Variants in MAP3K3 observed in about 807,000 individuals in gnomAD.
MAP3K3 encodes MAP/ERK kinase kinase 3.
A neutral mutation model predicts 80.9 loss-of-function variants in MAP3K3; 12 were observed. The observed-to-expected ratio is 0.15, with a 90% CI of 0.10 to 0.24. The LOEUF (loss-of-function observed/expected upper bound fraction) is 0.24. Ranked by LOEUF, MAP3K3 falls within the 10% of genes least tolerant of loss-of-function variation. MAP3K3 has a pLI of 1.00. For synonymous variants in MAP3K3, 272 were observed against 307.1 expected (o/e 0.89, Z 1.19); for missense variants, 596 against 834.7 (o/e 0.71, Z 3.52).
In MAP3K3 at chr17:63,692,415, G is replaced by T; in HGVS notation, c.1648G>T (p.Val550Leu). Residue 550 changes from valine to leucine, a missense_variant, in exon 15 of 16, where the codon GTG becomes TTG. Val to Leu is a conservative substitution (Grantham distance 32). Coordinates refer to ENST00000361733, the MANE Select transcript of MAP3K3 (RefSeq NM_002401.5). The surrounding 1 kb of genome is among the most constrained non-coding windows in gnomAD (Gnocchi z 4.5). The stretch of plus-strand genomic sequence containing the variant: ...CGAGGGCTATGGAAGGAAAGCAGAC[G>T]TGTGGTGAGCACTGGGACATGCAGA... ...SGEGYGRKAD[V>L]WSLGCTVVEM... 2 of 1,605,022 alleles carry T rather than the reference G, an allele frequency of 1.2e-6. No individual in the cohort carries two copies. The highest frequency in any genetic ancestry group is 8.5e-7 in the Non-Finnish European group (1 of 1,174,390).
intron 1 of MAP3K3, among the ~76,000 whole-genome samples, chr17:63,628,983 T>G (rs900426255): frequency 6.6e-6 from 1 of 152,176 alleles, no homozygotes; most frequent in Non-Finnish European, 1.5e-5. Flanking sequence ...AGCAGCTTTG[T>G]GAAATGATGC....
At chr17:63,624,120 G>C (rs1176941777) in intron 1 of MAP3K3, among the ~76,000 whole-genome samples, 1 of 152,182 alleles carries the variant, frequency 6.6e-6, no homozygotes, top group Admixed American at 6.5e-5. Flanking sequence ...TCTGCTGTGA[G>C]AGTGGACATA....
chr17:63,686,618 T>A (rs988527062), intron 8 of MAP3K3, among the ~76,000 whole-genome samples: 4 of 152,152 alleles, frequency 2.6e-5, no homozygotes, highest in African/African-American at 9.7e-5. Context: ...AGCCCCCTTG[T>A]GCCACTGCCT....
intron 6 of MAP3K3, among the ~76,000 whole-genome samples, chr17:63,677,236 G>A (rs529571459): frequency 7.2e-5 from 11 of 152,298 alleles, no homozygotes; most frequent in Admixed American, 2.6e-4. Context: ...CTGAACCCAC[G>A]TATATCTAAT....
At chr17:63,634,692 T>G (rs749800528) in intron 2 of MAP3K3, 7 of 1,600,840 alleles carry the variant, frequency 4.4e-6, no homozygotes, top group African/African-American at 4.0e-5. Flanking sequence ...TTAACCTCAG[T>G]TTTTTTGTTT....
chr17:63,646,322 T>C (rs1051096363), intron 3 of MAP3K3, among the ~76,000 whole-genome samples: 44 of 152,238 alleles, frequency 2.9e-4, no homozygotes, highest in African/African-American at 1.0e-3. Context: ...ATTCTGCTGC[T>C]GTGAGGTCTG....
In MAP3K3 at chr17:63,688,778, G is replaced by T. The variant is rs377534151; in HGVS notation, c.779-11G>T. 4.6e-5 allele frequency: 74 copies of T among 1,599,976 alleles called. No individual in the cohort carries two copies. Among genetic ancestry groups the T allele is most frequent in the Non-Finnish European group, 6.0e-5 (70 of 1,167,174 alleles). ...CTACCCAGAAGCCAGTGATTCCCCT[G>T]TCTTACTCAGATCGGGAAACTCAGC... On this transcript the variant is annotated splice_polypyrimidine_tract_variant and intron_variant, in intron 9 of 15. Transcript: ENST00000361733.
At chr17:63,652,521 T>C in intron 3 of MAP3K3, 36 bp from the exon 4 acceptor site, 1 of 1,392,830 alleles carries the variant, frequency 7.2e-7, no homozygotes, top group Non-Finnish European at 1.0e-6. Flanking sequence ...GTTTTAAGTA[T>C]ACAATTAACC....
Position 63,648,150 on chromosome 17 carries a change from A to T in MAP3K3, c.167+2076A>T, listed in dbSNP as rs1274617891. ...ACTGGCCTAAAAATGCCTGTTATTCAATAGGATGGCAGCAGCTTAGATCTT... is the reference window on the plus strand; with the variant it reads ...ACTGGCCTAAAAATGCCTGTTATTCTATAGGATGGCAGCAGCTTAGATCTT... On this transcript the variant is annotated intron_variant, in intron 3 of 15. Coordinates refer to ENST00000361733, the MANE Select transcript of MAP3K3 (RefSeq NM_002401.5). 7.9e-5 allele frequency among the ~76,000 whole-genome samples: 12 copies of T among 152,244 alleles called. No individual in the cohort carries two copies. The East Asian group carries it at 2.1e-3, about 27-fold the overall frequency.
intron 4 of MAP3K3, among the ~76,000 whole-genome samples, chr17:63,654,978 A>G (rs183104417): frequency 2.0e-5 from 3 of 152,242 alleles, no homozygotes; most frequent in African/African-American, 7.2e-5. Context: ...GGAGGTTGCA[A>G]TGAGCCGAGA....
At chr17:63,655,787 A>G (rs1381135424) in intron 4 of MAP3K3, among the ~76,000 whole-genome samples, 1 of 151,914 alleles carries the variant, frequency 6.6e-6, no homozygotes, top group East Asian at 1.9e-4. Context: ...TCCCCAGCCT[A>G]CTTGGTTTTT....
In MAP3K3 at chr17:63,694,790, G is replaced by A. The variant is rs2035659230; in HGVS notation, c.*1013G>A. 6.6e-6 allele frequency: 1 copy of A among 152,586 alleles called. No homozygotes were observed. Among genetic ancestry groups the A allele is most frequent in the Non-Finnish European group, 1.5e-5 (1 of 68,210 alleles). 9.5% of individuals were successfully genotyped at this position (152,586 alleles called of 1,614,324 possible). A position where few individuals can be genotyped will look rare whatever the true frequency, so the allele number is the denominator to read the frequency against. Reference sequence around the variant, plus strand: ...TGCTAGGCCAGAGCCCACTCCATCTGGTAGAAGGGAAAGCCCATATGCTAC... The same window carrying A: ...TGCTAGGCCAGAGCCCACTCCATCTAGTAGAAGGGAAAGCCCATATGCTAC... On this transcript the variant is annotated 3_prime_UTR_variant, in exon 16 of 16. Coordinates refer to ENST00000361733, the MANE Select transcript of MAP3K3 (RefSeq NM_002401.5).
chr17:63,643,233 G>T (rs2034479693), intron 2 of MAP3K3, among the ~76,000 whole-genome samples: 2 of 152,096 alleles, frequency 1.3e-5, no homozygotes, highest in South Asian at 4.1e-4. Context: ...GGCTGGGTGT[G>T]GTGGCTCATG....
intron 3 of MAP3K3, among the ~76,000 whole-genome samples, chr17:63,650,220 TTTA>T (rs2034621737): frequency 6.6e-6 from 1 of 152,236 alleles, no homozygotes; most frequent in Non-Finnish European, 1.5e-5. Context: ...TAGATTGTCT[TTTA>T]TTGATTTTTT....
Position 63,692,583 on chromosome 17 carries a change from C to G in MAP3K3, c.1652+164C>G, listed in dbSNP as rs2035615141. ...ATTGGGTGCAGTAGCACACACACCACATGGGTGGTGCTCAAAGCACACTCC... is the reference window on the plus strand; with the variant it reads ...ATTGGGTGCAGTAGCACACACACCAGATGGGTGGTGCTCAAAGCACACTCC... On this transcript the variant is annotated intron_variant, in intron 15 of 15. Coordinates refer to ENST00000361733, the MANE Select transcript of MAP3K3 (RefSeq NM_002401.5). The surrounding 1 kb of genome is among the most constrained non-coding windows in gnomAD (Gnocchi z 4.5). 6.6e-6 allele frequency among the ~76,000 whole-genome samples: 1 copy of G among 152,224 alleles called. No homozygotes were observed. Among genetic ancestry groups the G allele is most frequent in the Non-Finnish European group, 1.5e-5 (1 of 68,034 alleles).
At chr17:63,627,920 T>C (rs910312026) in intron 1 of MAP3K3, among the ~76,000 whole-genome samples, 7 of 151,422 alleles carry the variant, frequency 4.6e-5, no homozygotes, top group Non-Finnish European at 1.0e-4. Flanking sequence ...TTTTTTTTTT[T>C]CTGAGACAGA....
chr17:63,663,292 C>G (rs2034933126), intron 5 of MAP3K3, among the ~76,000 whole-genome samples: 1 of 151,872 alleles, frequency 6.6e-6, no homozygotes, highest in Non-Finnish European at 1.5e-5. Flanking sequence ...CCCTTGAGGT[C>G]AGGAATTTGA....
chr17:63,684,776 C>T (rs1179851471), intron 7 of MAP3K3, among the ~76,000 whole-genome samples: 2 of 152,114 alleles, frequency 1.3e-5, no homozygotes, highest in Admixed American at 6.5e-5. Flanking sequence ...CAGGCATGAG[C>T]CACCAAGTCT....
chr17:63,656,729 G>A (rs1373000343), intron 4 of MAP3K3, among the ~76,000 whole-genome samples: 1 of 152,168 alleles, frequency 6.6e-6, no homozygotes, highest in African/African-American at 2.4e-5. Context: ...TGCAGTGAGT[G>A]AGACTTATTT....
Sources: allele counts gnomAD v4.1 joint callset (sites outside exome capture counted in the v4.1 genomes callset), GRCh38; gene constraint gnomAD v4.1.1; non-coding constraint Gnocchi (gnomAD v3.1); transcripts MANE v1.5; gene names NCBI Gene and HGNC (gene_info 2026-07-23, HGNC 2026-07-21).